Variants in SPAM1 observed in about 807,000 individuals in gnomAD.
SPAM1 encodes the protein hyaluronidase PH-20.
In SPAM1, 22 loss-of-function variants were observed where a neutral mutation model predicts 29.6. The ratio of observed to expected loss-of-function variants is 0.74; its 90% CI spans 0.53 to 1.06. The LOEUF (loss-of-function observed/expected upper bound fraction) is 1.06, where lower values mean the gene tolerates loss of function less well. Among genes scored for constraint, SPAM1 ranks in the 50% least tolerant of loss-of-function variants. The probability of loss-of-function intolerance (pLI) is 0.00; values close to 1 mark genes in which losing one functional copy is unlikely to be tolerated. For synonymous variants in SPAM1, 194 were observed against 204.6 expected (o/e 0.95, Z 0.44); for missense variants, 534 against 604.0 (o/e 0.88, Z 1.21).
At chr7:123,956,980 G>T (rs978421797) in intron 4 of SPAM1, among the ~76,000 whole-genome samples, 1 of 151,848 alleles carries the variant, frequency 6.6e-6, no homozygotes, top group Non-Finnish European at 1.5e-5. Context: ...AAGTATGCAG[G>T]TTAATGATTC....
intron 1 of SPAM1, among the ~76,000 whole-genome samples, chr7:123,941,546 T>C (rs1808427404): frequency 6.6e-6 from 1 of 152,200 alleles, no homozygotes; most frequent in South Asian, 2.1e-4. Flanking sequence ...CAATCAGATA[T>C]GCATGTCTCA....
At position 123,954,326 on chromosome 7, in the gene SPAM1, G is replaced by A. The variant is rs1348883115; in HGVS notation, c.756G>A (p.Leu252=). Residue 252 remains leucine, a synonymous_variant, in exon 3 of 5, where the codon TTG becomes TTA. Transcript: ENST00000682466. ...EIKRNDDLSW[L]WNESTALYPS... ...AAAGAAATGATGATCTCAGCTGGTT[G>A]TGGAATGAAAGCACTGCTCTTTACC... 1.2e-6 allele frequency: 2 copies of A among 1,613,058 alleles called. No individual in the cohort carries two copies. The highest frequency in any genetic ancestry group is 1.7e-6 in the Non-Finnish European group (2 of 1,179,500).
In SPAM1 at chr7:123,953,813, A is replaced by C. The variant is rs1792175125; in HGVS notation, c.243A>C (p.Ile81=). 6.2e-7 allele frequency: 1 copy of C among 1,612,726 alleles called. No homozygotes were observed. Among genetic ancestry groups the C allele is most frequent in the South Asian group, 1.1e-5 (1 of 90,920 alleles). Residue 81 remains isoleucine, a synonymous_variant, in exon 3 of 5, where the codon ATA becomes ATC. Coordinates refer to ENST00000682466, the MANE Select transcript of SPAM1 (RefSeq NM_153189.3). ...SLFSFIGSPR[I]NATGQGVTIF... is the part of the protein sequence containing the mutation. ...TCTCTTTCATAGGAAGCCCCCGAAT[A>C]AACGCCACCGGGCAAGGTGTTACAA...
intron 1 of SPAM1, among the ~76,000 whole-genome samples, chr7:123,945,122 C>T (rs559774445): frequency 6.6e-6 from 1 of 152,130 alleles, no homozygotes; most frequent in South Asian, 2.1e-4. Flanking sequence ...ATATAAGATT[C>T]TTTTGCATGT....
rs940693148 is a variant in SPAM1 at position 123,954,200 on chromosome 7, T to C, written c.630T>C (p.Leu210=). The stretch of plus-strand genomic sequence containing the variant: ...AGACTATAAAATTGGGAAAATTACT[T>C]CGGCCAAATCACTTGTGGGGTTATT... ...LVETIKLGKL[L]RPNHLWGYYL... is the part of the protein sequence containing the mutation. The change falls in exon 3 of 5, where the codon CTT becomes CTC. Residue 210 remains leucine (L), a synonymous_variant. Coordinates refer to ENST00000682466, the MANE Select transcript of SPAM1 (RefSeq NM_153189.3). The C allele has an allele frequency of 1.2e-6, 2 of 1,613,546 alleles. No individual in the cohort carries two copies. Among genetic ancestry groups the C allele is most frequent in the East Asian group, 4.5e-5 (2 of 44,846 alleles).
intron 5 of SPAM1, among the ~76,000 whole-genome samples, chr7:123,968,222 C>T (rs1430417392): frequency 6.6e-6 from 1 of 151,998 alleles, no homozygotes; most frequent in African/African-American, 2.4e-5. Context: ...GTTCTGCAGT[C>T]ATATATACAC....
At chr7:123,948,866 C>G (rs1481005431) in intron 1 of SPAM1, among the ~76,000 whole-genome samples, 1 of 151,886 alleles carries the variant, frequency 6.6e-6, no homozygotes, top group Non-Finnish European at 1.5e-5. Context: ...AGTGTCTTGA[C>G]TGACTTCTAT....
intron 4 of SPAM1, 54 bp downstream of exon 4, chr7:123,955,140 G>A (rs1792221804): frequency 7.7e-7 from 1 of 1,294,278 alleles, no homozygotes; most frequent in Admixed American, 1.7e-5. Context: ...TAATGTTTTT[G>A]GGGATTGTTT....
At chr7:123,937,409 G>A (rs1024484022) in intron 1 of SPAM1, among the ~76,000 whole-genome samples, 7 of 151,922 alleles carry the variant, frequency 4.6e-5, no homozygotes, top group South Asian at 2.1e-4. Context: ...AGACCATCCT[G>A]GATAACATGG....
intron 1 of SPAM1, among the ~76,000 whole-genome samples, chr7:123,940,865 T>A (rs1808406696): frequency 6.6e-6 from 1 of 152,126 alleles, no homozygotes; most frequent in African/African-American, 2.4e-5. Context: ...AAATATTGAG[T>A]CAATGCTGAA....
chr7:123,962,564 G>C (rs968195969), downstream of SPAM1, among the ~76,000 whole-genome samples: 5 of 151,640 alleles, frequency 3.3e-5, no homozygotes, highest in Non-Finnish European at 7.4e-5. Context: ...TACTTTCATA[G>C]TTTTACCCAT....
At chr7:123,956,033 A>T (rs979948446) in intron 4 of SPAM1, among the ~76,000 whole-genome samples, 10 of 151,890 alleles carry the variant, frequency 6.6e-5, no homozygotes, top group Admixed American at 1.3e-4. Context: ...TTTTCTTTTT[A>T]AAAAAACTGA....
intron 1 of SPAM1, among the ~76,000 whole-genome samples, chr7:123,938,050 T>G (rs536772218): frequency 6.6e-6 from 1 of 151,992 alleles, no homozygotes; most frequent in Non-Finnish European, 1.5e-5. Flanking sequence ...TTTGATTGCC[T>G]AAGACTTTAG....
chr7:123,970,369 A>G (rs1191997104), intron 6 of SPAM1: 1 of 1,100,326 alleles, frequency 9.1e-7, no homozygotes, highest in Non-Finnish European at 1.3e-6. Context: ...TAAGGACACC[A>G]GTCATGTTGG....
chr7:123,945,304 G>T (rs550961057), intron 1 of SPAM1, among the ~76,000 whole-genome samples: 24 of 152,058 alleles, frequency 1.6e-4, no homozygotes, highest in African/African-American at 5.3e-4. Flanking sequence ...GGTTAATTTT[G>T]GGAGGAAAGG....
rs527706101 is a variant in SPAM1, at chr7:123,939,960, C to A, written c.-318-9912C>A. On this transcript the variant is annotated intron_variant, in intron 1 of 4. Coordinates refer to ENST00000682466, the MANE Select transcript of SPAM1 (RefSeq NM_153189.3). Reference sequence around the variant, plus strand: ...TTCTATCCTGCTGATCCCCACCCTGCCGTTGGCTACAAATTATCACTTTTC... The same window carrying A: ...TTCTATCCTGCTGATCCCCACCCTGACGTTGGCTACAAATTATCACTTTTC... Among the ~76,000 whole-genome samples the A allele has an allele frequency of 2.0e-5, 3 of 152,310 alleles. No homozygotes were observed. The South Asian group carries it at 6.2e-4, about 32-fold the overall frequency.
chr7:123,940,420 T>C (rs1808395294), intron 1 of SPAM1, among the ~76,000 whole-genome samples: 1 of 152,090 alleles, frequency 6.6e-6, no homozygotes, highest in Non-Finnish European at 1.5e-5. Context: ...GGAATTATCT[T>C]CCAAGAATAA....
intron 5 of SPAM1, among the ~76,000 whole-genome samples, chr7:123,969,180 G>C (rs1792466156): frequency 6.6e-6 from 1 of 151,888 alleles, no homozygotes; most frequent in Admixed American, 6.6e-5. Flanking sequence ...TATATATTCT[G>C]GATATTAGTC....
rs569491355 is a variant in SPAM1 at position 123,925,352 on chromosome 7, G to A, written c.-319G>A. 3 of 152,220 alleles carry A rather than the reference G, an allele frequency of 2.0e-5. No homozygotes were observed. Among genetic ancestry groups the A allele is most frequent in the Admixed American group, 2.0e-4 (3 of 15,300 alleles). The allele number at this position is 152,220 out of a possible 1,614,324, so 9.4% of individuals were successfully genotyped here. ...CACCTCATAAGGTCCTTCCTAGCAAGGTAACAGTACAAGCTTTTTCTAAAA... is the reference window on the plus strand; with the variant it reads ...CACCTCATAAGGTCCTTCCTAGCAAAGTAACAGTACAAGCTTTTTCTAAAA... On this transcript the variant is annotated splice_region_variant and 5_prime_UTR_variant, in exon 1 of 5. Coordinates refer to ENST00000682466, the MANE Select transcript of SPAM1 (RefSeq NM_153189.3).
Sources: allele counts gnomAD v4.1 joint callset (sites outside exome capture counted in the v4.1 genomes callset), GRCh38; gene constraint gnomAD v4.1.1; transcripts MANE v1.5; gene names NCBI Gene and HGNC (gene_info 2026-07-23, HGNC 2026-07-21).